Variants in CPQ observed in about 807,000 individuals in gnomAD.
CPQ encodes Ser-Met dipeptidase.
CPQ carries 37 observed loss-of-function variants against 45.7 expected under a neutral mutation model. The observed-to-expected ratio is 0.81, with a 90% CI of 0.62 to 1.07. The LOEUF is 1.07. Ranked by LOEUF, CPQ falls within the 50% of genes least tolerant of loss-of-function variation. The pLI, the probability that CPQ is intolerant of heterozygous loss-of-function variation, is 0.00. For synonymous variants in CPQ, 186 were observed against 205.8 expected, an observed-to-expected ratio of 0.90 and a Z score of 0.82; for missense variants, 537 against 572.9, an observed-to-expected ratio of 0.94 and a Z score of 0.64.
chr8:96,967,087 C>T (rs1298914060), intron 5 of CPQ, among the ~76,000 whole-genome samples: 1 of 152,192 alleles, frequency 6.6e-6, no homozygotes, highest in Non-Finnish European at 1.5e-5. Flanking sequence ...TGTTAATTCT[C>T]TCCTCCTCTT....
At chr8:97,050,858 A>G (rs953879240) in intron 6 of CPQ, among the ~76,000 whole-genome samples, 2 of 152,206 alleles carry the variant, frequency 1.3e-5, no homozygotes, top group South Asian at 2.1e-4. Context: ...TACTCTACTT[A>G]TTAGTCACTT....
chr8:96,649,141 T>C (rs560839561), intron 1 of CPQ, among the ~76,000 whole-genome samples: 27 of 152,204 alleles, frequency 1.8e-4, no homozygotes, highest in Non-Finnish European at 2.8e-4. Flanking sequence ...ACAGCCTGGC[T>C]AATTTTTTTA....
intron 2 of CPQ, among the ~76,000 whole-genome samples, chr8:96,807,819 T>C (rs926319951): frequency 4.6e-5 from 7 of 152,322 alleles, no homozygotes; most frequent in African/African-American, 1.7e-4. Flanking sequence ...TCAAGACAGA[T>C]TGCACTCAGA....
At position 96,792,474 on chromosome 8, in the gene CPQ, A is replaced by G. The variant is rs370580796; in HGVS notation, c.433+7144A>G. Among the ~76,000 whole-genome samples the G allele has an allele frequency of 2.8e-4, 43 of 152,306 alleles. 2 individuals carry two copies. In the South Asian group the frequency reaches 8.3e-3, roughly 29 times the overall value. ...TTATTAATCCTCATTGGAGACTGAC[A>G]TCTCTACCGAAATACAGGGCTTTCT... On this transcript the variant is annotated intron_variant, in intron 2 of 7. Transcript: ENST00000220763.
chr8:96,859,505 G>C (rs548304613), intron 3 of CPQ, among the ~76,000 whole-genome samples: 25 of 152,234 alleles, frequency 1.6e-4, no homozygotes, highest in Middle Eastern at 6.8e-3. Flanking sequence ...CCATTCTCTA[G>C]AATGAGCCAG....
intron 1 of CPQ, among the ~76,000 whole-genome samples, chr8:96,679,498 TGTTA>T (rs1809122262): frequency 6.6e-6 from 1 of 152,170 alleles, no homozygotes; most frequent in South Asian, 2.1e-4. Flanking sequence ...GAAGAATTTT[TGTTA>T]GTTCTTCTTC....
chr8:97,109,834 C>A (rs1237195805), intron 7 of CPQ, among the ~76,000 whole-genome samples: 1 of 152,106 alleles, frequency 6.6e-6, no homozygotes, highest in African/African-American at 2.4e-5. Flanking sequence ...CAGGCCAATG[C>A]ACATCCCCAG....
At chr8:96,923,533 C>T (rs1217814456) in intron 4 of CPQ, among the ~76,000 whole-genome samples, 1 of 152,094 alleles carries the variant, frequency 6.6e-6, no homozygotes, top group Non-Finnish European at 1.5e-5. Context: ...TATCCATTGT[C>T]CCCAGTAACA....
At chr8:96,823,793 C>A (rs895411126) in intron 2 of CPQ, among the ~76,000 whole-genome samples, 2 of 151,954 alleles carry the variant, frequency 1.3e-5, no homozygotes, top group African/African-American at 4.8e-5. Flanking sequence ...ACATTTAGAG[C>A]AGTGCCTGGC....
chr8:96,658,032 T>A (rs986400099), intron 1 of CPQ, among the ~76,000 whole-genome samples: 1 of 152,270 alleles, frequency 6.6e-6, no homozygotes, highest in African/African-American at 2.4e-5. Flanking sequence ...TAATGCCATA[T>A]GTATTGTATA....
rs554274611 is a variant in CPQ at position 96,721,694 on chromosome 8, C to G, written c.-34-63170C>G. Among the ~76,000 whole-genome samples the G allele has an allele frequency of 2.6e-5, 4 of 152,212 alleles. No homozygotes were observed. In the East Asian group the frequency reaches 7.8e-4, roughly 30 times the overall value. ...TGTTTGGAACCCTTATTAGGCACTC[C>G]TTTATCCTTAGGATAAAGTTCAGTC... On this transcript the variant is annotated intron_variant, in intron 1 of 7. Transcript: ENST00000220763.
intron 3 of CPQ, among the ~76,000 whole-genome samples, chr8:96,870,524 A>G (rs1402592410): frequency 6.6e-6 from 1 of 151,992 alleles, no homozygotes; most frequent in Non-Finnish European, 1.5e-5. Context: ...GGTTAAAAGC[A>G]TGACTCCAGC....
chr8:96,933,005 T>G (rs911480704), intron 4 of CPQ, among the ~76,000 whole-genome samples: 2 of 152,208 alleles, frequency 1.3e-5, no homozygotes, highest in African/African-American at 4.8e-5. Context: ...ATTTATTCTC[T>G]AAGAATTGCC....
chr8:96,908,747 G>GCGCA lies in CPQ; in HGVS notation c.849+28743_849+28744insGCAC, dbSNP rs149476038. 2.1e-3 allele frequency among the ~76,000 whole-genome samples: 299 copies of GCGCA among 141,008 alleles called. 3 individuals carry two copies. Among genetic ancestry groups the GCGCA allele is most frequent in the African/African-American group, 6.9e-3 (268 of 38,704 alleles). The allele number at this position is 141,008 out of a possible 152,430, so 92.5% of individuals were successfully genotyped here. A position where few individuals can be genotyped will look rare whatever the true frequency, so the allele number is the denominator to read the frequency against. On this transcript the variant is annotated intron_variant, in intron 4 of 7. Transcript: ENST00000220763. ...TCTCTTTTCAGTTTTATACACATGC[G>GCGCA]CACACACACACACACACACACACAC...
At chr8:96,929,728 A>T (rs1420310708) in intron 4 of CPQ, among the ~76,000 whole-genome samples, 2 of 152,206 alleles carry the variant, frequency 1.3e-5, no homozygotes, top group African/African-American at 4.8e-5. Context: ...AGGAATGTGT[A>T]CGTAAGCACC....
At position 97,091,830 on chromosome 8, in the gene CPQ, T is replaced by G. The variant is rs1011973738; in HGVS notation, c.1255+25620T>G. ...AAATGGTTACCAAAGTGTACTAATG[T>G]GAGAGATACAAAGATGGATGGATAG... On this transcript the variant is annotated intron_variant, in intron 7 of 7. Coordinates refer to ENST00000220763, the MANE Select transcript of CPQ (RefSeq NM_016134.4). Among the ~76,000 whole-genome samples the G allele has an allele frequency of 4.0e-5, 6 of 151,408 alleles. No individual in the cohort carries two copies. The Admixed American group carries it at 4.0e-4, about 10-fold the overall frequency.
chr8:97,062,589 C>T (rs1810569478), intron 6 of CPQ, among the ~76,000 whole-genome samples: 1 of 152,028 alleles, frequency 6.6e-6, no homozygotes, highest in Admixed American at 6.6e-5. Flanking sequence ...AAGCCTAGTA[C>T]CCATTAGTTA....
rs371532851 is a variant in CPQ, at chr8:96,963,667, C to T, written c.850-2268C>T. Reference sequence around the variant, plus strand: ...TGCACATACATATCAATCTGTAAAACTTCTAAAAAAATTATATTGAAGTAT... The same window carrying T: ...TGCACATACATATCAATCTGTAAAATTTCTAAAAAAATTATATTGAAGTAT... On this transcript the variant is annotated intron_variant, in intron 4 of 7. Transcript: ENST00000220763. 7.9e-5 allele frequency among the ~76,000 whole-genome samples: 12 copies of T among 152,288 alleles called. No individual in the cohort carries two copies. In the East Asian group the frequency reaches 1.9e-3, roughly 24 times the overall value.
At chr8:96,736,711 T>C (rs1809986538) in intron 1 of CPQ, among the ~76,000 whole-genome samples, 1 of 152,228 alleles carries the variant, frequency 6.6e-6, no homozygotes, top group South Asian at 2.1e-4. Flanking sequence ...AGCTATCATA[T>C]CTGGCCCAGC....
Sources: allele counts gnomAD v4.1 joint callset (sites outside exome capture counted in the v4.1 genomes callset), GRCh38; gene constraint gnomAD v4.1.1; transcripts MANE v1.5; gene names NCBI Gene and HGNC (gene_info 2026-07-23, HGNC 2026-07-21).